Variants in PDE7B observed in about 807,000 individuals in gnomAD.
PDE7B encodes the protein 3',5'-cyclic-AMP phosphodiesterase 7B.
Under a neutral mutation model 56.2 loss-of-function variants are expected in PDE7B, and 29 were observed. That is an observed-to-expected ratio of 0.52 (90% CI 0.38 to 0.70). The LOEUF (loss-of-function observed/expected upper bound fraction) is 0.70. Among genes scored for constraint, PDE7B ranks in the 30% least tolerant of loss-of-function variants. PDE7B has a pLI of 0.00. For synonymous variants in PDE7B, 197 were observed against 196.9 expected (o/e 1.00, Z 0.00); for missense variants, 490 against 565.0 (o/e 0.87, Z 1.35).
At chr6:136,001,968 C>G (rs1049199461) in intron 2 of PDE7B, among the ~76,000 whole-genome samples, 3 of 152,066 alleles carry the variant, frequency 2.0e-5, no homozygotes, top group Non-Finnish European at 4.4e-5. Flanking sequence ...GGGTTACCCA[C>G]AAAGGGAAGC....
At chr6:136,052,514 G>A (rs1776647379) in intron 2 of PDE7B, among the ~76,000 whole-genome samples, 1 of 152,040 alleles carries the variant, frequency 6.6e-6, no homozygotes, top group African/African-American at 2.4e-5. Context: ...GTTCCAACTG[G>A]GGCCCATCCC....
chr6:135,953,159 A>T (rs1037910759), intron 2 of PDE7B, among the ~76,000 whole-genome samples: 1 of 152,102 alleles, frequency 6.6e-6, no homozygotes, highest in Non-Finnish European at 1.5e-5. Flanking sequence ...GACAGTAGAG[A>T]AAAATGTTTT....
At chr6:135,989,350 A>G (rs1312186325) in intron 2 of PDE7B, among the ~76,000 whole-genome samples, 1 of 152,224 alleles carries the variant, frequency 6.6e-6, no homozygotes, top group African/African-American at 2.4e-5. Flanking sequence ...GCGATGGCTC[A>G]CGCCTGTAAT....
rs535770614 is a variant in PDE7B at position 136,128,587 on chromosome 6, G to C, written c.167-18764G>C. Among the ~76,000 whole-genome samples the C allele has an allele frequency of 2.6e-5, 4 of 152,218 alleles. No homozygotes were observed. In the South Asian group the frequency reaches 6.2e-4, roughly 24 times the overall value. On this transcript the variant is annotated intron_variant, in intron 3 of 12. Coordinates refer to ENST00000308191, the MANE Select transcript of PDE7B (RefSeq NM_018945.4). ...CACCCCTGGGCAAAATTACCAAGTG[G>C]ATTAAGTTTTCCTTTGACTTTTACC...
intron 1 of PDE7B, among the ~76,000 whole-genome samples, chr6:135,892,458 T>C (rs1775825918): frequency 6.6e-6 from 1 of 152,192 alleles, no homozygotes; most frequent in Non-Finnish European, 1.5e-5. Flanking sequence ...GACCATATGA[T>C]TTCTAAGGTC....
intron 2 of PDE7B, among the ~76,000 whole-genome samples, chr6:136,054,906 A>T (rs1435887766): frequency 1.3e-5 from 2 of 152,182 alleles, no homozygotes; most frequent in Non-Finnish European, 2.9e-5. Context: ...AGATCCCATG[A>T]TACTTATTCA....
At chr6:136,079,455 T>G (rs1281985154) in intron 2 of PDE7B, among the ~76,000 whole-genome samples, 1 of 152,154 alleles carries the variant, frequency 6.6e-6, no homozygotes, top group African/African-American at 2.4e-5. Flanking sequence ...CTAATAACAT[T>G]TCAATGGCTC....
chr6:136,110,077 C>T (rs1777716734), intron 3 of PDE7B, among the ~76,000 whole-genome samples: 1 of 152,136 alleles, frequency 6.6e-6, no homozygotes, highest in African/African-American at 2.4e-5. Flanking sequence ...TGTATTTCTC[C>T]TGGCTTGTTA....
At chr6:135,913,621 GA>G (rs892144382) in intron 1 of PDE7B, among the ~76,000 whole-genome samples, 3 of 151,818 alleles carry the variant, frequency 2.0e-5, no homozygotes, top group African/African-American at 4.8e-5. Context: ...AAAAGTAAAA[GA>G]AAAAAAGTTT....
intron 2 of PDE7B, among the ~76,000 whole-genome samples, chr6:135,964,014 T>G (rs1168803281): frequency 6.6e-6 from 1 of 152,122 alleles, no homozygotes; most frequent in East Asian, 1.9e-4. Flanking sequence ...TTGTTCAGGC[T>G]CTATCATCTA....
intron 12 of PDE7B, among the ~76,000 whole-genome samples, chr6:136,189,439 C>G (rs1367465201): frequency 4.6e-5 from 7 of 152,152 alleles, no homozygotes; most frequent in Non-Finnish European, 2.9e-5. Context: ...GGTGTGGTGG[C>G]ATGTGCCTGT....
intron 2 of PDE7B, among the ~76,000 whole-genome samples, chr6:136,024,542 G>A (rs772356713): frequency 4.0e-5 from 6 of 151,794 alleles, no homozygotes; most frequent in African/African-American, 1.5e-4. Context: ...TCCACTGATG[G>A]CACCTAAGAC....
chr6:135,994,304 A>G (rs1037938126), intron 2 of PDE7B, among the ~76,000 whole-genome samples: 4 of 152,184 alleles, frequency 2.6e-5, no homozygotes, highest in Non-Finnish European at 5.9e-5. Flanking sequence ...TTTACACTTC[A>G]TACGAAAATG....
chr6:135,952,763 G>A (rs1774724284), intron 2 of PDE7B, among the ~76,000 whole-genome samples: 1 of 152,046 alleles, frequency 6.6e-6, no homozygotes, highest in South Asian at 2.1e-4. Flanking sequence ...TTCAGGCCAC[G>A]AGGTAGATGA....
At chr6:136,029,522 A>G (rs529460463) in intron 2 of PDE7B, among the ~76,000 whole-genome samples, 80 of 152,360 alleles carry the variant, frequency 5.3e-4, no homozygotes, top group Admixed American at 2.1e-3. Context: ...AATACAAGAA[A>G]TCTTATCAGC....
At position 135,916,392 on chromosome 6, in the gene PDE7B, C is replaced by CTTTTTTTTT. The variant is rs566408380; in HGVS notation, c.22-31062_22-31054dup. Reference sequence around the variant, plus strand: ...TTTTTTCTTTTCTTTTCTTTTCTTTCTTTTTTTTTTTTTTTTTTGAGATGG... The same window carrying CTTTTTTTTT: ...TTTTTTCTTTTCTTTTCTTTTCTTTCTTTTTTTTTTTTTTTTTTTTTTTTTTTGAGATGG... On this transcript the variant is annotated intron_variant, in intron 1 of 12. Coordinates refer to ENST00000308191, the MANE Select transcript of PDE7B (RefSeq NM_018945.4). Among the ~76,000 whole-genome samples the CTTTTTTTTT allele has an allele frequency of 2.9e-3, 278 of 96,306 alleles. 2 individuals carry two copies. Among genetic ancestry groups the CTTTTTTTTT allele is most frequent in the East Asian group, 9.9e-3 (26 of 2,618 alleles). 63.2% of individuals were successfully genotyped at this position (96,306 alleles called of 152,430 possible). A position where few individuals can be genotyped will look rare whatever the true frequency, so the allele number is the denominator to read the frequency against.
At chr6:136,119,878 G>C (rs1583891298) in intron 3 of PDE7B, among the ~76,000 whole-genome samples, 1 of 152,250 alleles carries the variant, frequency 6.6e-6, no homozygotes. Flanking sequence ...CTTGCAAAAA[G>C]AGAAAATAAA....
chr6:136,064,459 C>T, intron 2 of PDE7B: 1 of 152,138 alleles, frequency 6.6e-6, no homozygotes, highest in East Asian at 1.9e-4. Context: ...CGTAGGAGAC[C>T]ACTTAGGCTG....
intron 2 of PDE7B, among the ~76,000 whole-genome samples, chr6:135,959,646 C>G (rs1481397598): frequency 2.6e-5 from 4 of 152,010 alleles, no homozygotes; most frequent in Non-Finnish European, 1.5e-5. Context: ...CCTCATGAAT[C>G]ATGTTTACAA....
Sources: allele counts gnomAD v4.1 joint callset (sites outside exome capture counted in the v4.1 genomes callset), GRCh38; gene constraint gnomAD v4.1.1; transcripts MANE v1.5; gene names NCBI Gene and HGNC (gene_info 2026-07-23, HGNC 2026-07-21).